The following SHANK1 variants were observed in gnomAD, a reference collection of about 807,000 sequenced individuals.
The protein encoded by SHANK1 is SH3 and multiple ankyrin repeat domains protein 1.
In SHANK1, 35 loss-of-function variants were observed where a neutral mutation model predicts 165.6. That is an observed-to-expected ratio of 0.21 (90% CI 0.16 to 0.28). The LOEUF (loss-of-function observed/expected upper bound fraction) is 0.28. Ranked by LOEUF, SHANK1 falls within the 10% of genes least tolerant of loss-of-function variation. SHANK1 has a pLI of 1.00. For synonymous variants in SHANK1, 1,428 were observed against 1,384.8 expected (o/e 1.03, Z -0.69); for missense variants, 2,681 against 3,036.4 (o/e 0.88, Z 2.75).
chr19:50,663,075 A>G (rs1985334995), intron 23 of SHANK1: 1 of 250,890 alleles, frequency 4.0e-6, no homozygotes, highest in Non-Finnish European at 7.7e-6. Flanking sequence ...TATTATCAGC[A>G]CAGAGAGGTT....
chr19:50,687,758 T>C (rs1986403703), intron 18 of SHANK1, 96 bp from the exon 19 acceptor site: 6 of 1,351,474 alleles, frequency 4.4e-6, no homozygotes, highest in Admixed American at 2.4e-5. Context: ...AGAATAGCCA[T>C]TGCCAGCGTG....
Position 50,716,635 on chromosome 19 carries a change from C to T in SHANK1, c.255+30G>A. 5.2e-6 allele frequency: 8 copies of T among 1,551,512 alleles called. No homozygotes were observed. In the East Asian group the frequency reaches 9.0e-5, roughly 18 times the overall value. On this transcript the variant is annotated intron_variant, in intron 2 of 23. Transcript: ENST00000293441. The surrounding 1 kb of genome is among the most constrained non-coding windows in gnomAD (Gnocchi z 8.4). ...ATGTCGGTTGGGGCACTGTCCCTCT[C>T]CTGCCGCTGGCCAGTGGGCAGGTAC...
intron 8 of SHANK1, among the ~76,000 whole-genome samples, chr19:50,708,804 C>A (rs2088974937): frequency 1.3e-5 from 2 of 152,224 alleles, no homozygotes; most frequent in Non-Finnish European, 2.9e-5. Context: ...CATTCACTCA[C>A]TCAACAAAGA....
rs2088961607 is a variant in SHANK1, at chr19:50,707,898, TTTCTTTTCTTTTCTTTTC to T, written c.1078-3402_1078-3385del. On this transcript the variant is annotated intron_variant, in intron 8 of 23. Transcript: ENST00000293441. ...GTGTTTTTCTTTTCTTTTCTTTTCT[TTTCTTTTCTTTTCTTTTC>T]TTTTCTTTTCTTTTCTTTTCTTTTC... Among the ~76,000 whole-genome samples, 6 of 18,786 alleles carry T rather than the reference TTTCTTTTCTTTTCTTTTC, an allele frequency of 3.2e-4. No homozygotes were observed. In the South Asian group the frequency reaches 6.6e-3, roughly 21 times the overall value. 12.3% of individuals were successfully genotyped at this position (18,786 alleles called of 152,430 possible). A position where few individuals can be genotyped will look rare whatever the true frequency, so the allele number is the denominator to read the frequency against.
At position 50,668,801 on chromosome 19, in the gene SHANK1, G is replaced by A. The variant is rs1267294229; in HGVS notation, c.3159C>T (p.Gly1053=). 5 of 1,269,284 alleles carry A rather than the reference G, an allele frequency of 3.9e-6. No homozygotes were observed. The highest frequency in any genetic ancestry group is 3.1e-5 in the East Asian group (1 of 31,792). 78.6% of individuals were successfully genotyped at this position (1,269,284 alleles called of 1,614,324 possible). A position where few individuals can be genotyped will look rare whatever the true frequency, so the allele number is the denominator to read the frequency against. ...PQPSLRGWRG[G]GPSPTPGAPS... ...GGGCCCCCGGGGTCGGGCTGGGCCCGCCGCCCCTCCAGCCTCGCAGGCTGG... is the reference window on the plus strand; with the variant it reads ...GGGCCCCCGGGGTCGGGCTGGGCCCACCGCCCCTCCAGCCTCGCAGGCTGG... Residue 1053 remains glycine, a synonymous_variant, in exon 23 of 24, where the codon GGC becomes GGT. Transcript: ENST00000293441.
Position 50,688,821 on chromosome 19 carries a change from G to C in SHANK1, c.2172+23C>G. ...TGGGAACTTGTCACAGGGTCCCAGG[G>C]AAGAGAGGGGGCCTGGACTGACCTC... On this transcript the variant is annotated intron_variant, in intron 17 of 23. Coordinates refer to ENST00000293441, the MANE Select transcript of SHANK1 (RefSeq NM_016148.5). The surrounding 1 kb of genome is among the most constrained non-coding windows in gnomAD (Gnocchi z 6.7). 3 of 1,603,494 alleles carry C rather than the reference G, an allele frequency of 1.9e-6. No individual in the cohort carries two copies. The highest frequency in any genetic ancestry group is 1.7e-4 in the Middle Eastern group (1 of 6,022).
chr19:50,680,514 C>T (rs1355332496), intron 21 of SHANK1, among the ~76,000 whole-genome samples: 1 of 152,164 alleles, frequency 6.6e-6, no homozygotes, highest in Non-Finnish European at 1.5e-5. Context: ...TAGGAGGAGA[C>T]AGCCCAAGAG....
At chr19:50,669,663 T>C (rs1364508925) in intron 22 of SHANK1, among the ~76,000 whole-genome samples, 1 of 152,134 alleles carries the variant, frequency 6.6e-6, no homozygotes, top group African/African-American at 2.4e-5. Context: ...TAGATGCGTG[T>C]TTCTTTTCAC....
Position 50,686,753 on chromosome 19 carries a change from T to G in SHANK1, c.2449A>C (p.Met817Leu). The G allele has an allele frequency of 6.2e-7, 1 of 1,613,598 alleles. No individual in the cohort carries two copies. Among genetic ancestry groups the G allele is most frequent in the Non-Finnish European group, 8.5e-7 (1 of 1,179,778 alleles). ...SMEKKRTVYQ[M>L]ALNKLDEILA... ...GGCTGGGCCGTCTTACTGAGAGCCATCTGATACACGGTCCGCTTTTTCTCC... is the reference window on the plus strand; with the variant it reads ...GGCTGGGCCGTCTTACTGAGAGCCAGCTGATACACGGTCCGCTTTTTCTCC... The change falls in exon 20 of 24, where the codon ATG becomes CTG. Residue 817 changes from methionine to leucine, a missense_variant. Physicochemically the swap from Met to Leu is conservative, Grantham distance 15. Around this residue, in one of 10 missense-constraint regions of SHANK1, gnomAD observed 206 missense variants for 216.0 expected, o/e 0.95. Transcript: ENST00000293441. This position sits in a 1 kb window ranked among gnomAD's most constrained non-coding sequence, Gnocchi z 5.7.
rs774375815 is a variant in SHANK1, at chr19:50,702,584, G to A, written c.1630C>T (p.Arg544Cys). 12 of 1,607,386 alleles carry A rather than the reference G, an allele frequency of 7.5e-6. No individual in the cohort carries two copies. The highest frequency in any genetic ancestry group is 3.3e-5 in the South Asian group (3 of 90,312). Residue 544 changes from arginine to cysteine, a missense_variant, in exon 12 of 24, where the codon CGC (arginine) becomes TGC (cysteine). Physicochemically the swap from Arg to Cys is radical, Grantham distance 180 (BLOSUM62 -3). This residue lies in a region of SHANK1 where 195 missense variants were observed against 186.2 expected (regional missense o/e 1.05). Coordinates refer to ENST00000293441, the MANE Select transcript of SHANK1 (RefSeq NM_016148.5). This position sits in a 1 kb window ranked among gnomAD's most constrained non-coding sequence, Gnocchi z 5.3. ...GAGTAGAGCTTCCTCCGCCTCCCGC[G>A]GCTGCCCAGGGAGCCCCCGGGGCCC... ...SGGPGGSLGS[R>C]GRRRKLYSAV...
At position 50,668,645 on chromosome 19, in the gene SHANK1, G is replaced by T; in HGVS notation, c.3315C>A (p.Gly1105=). ...AMYVPARSGR[G]RKGPLVKQTK... ...TCTGCTTGACCAGCGGGCCCTTGCG[G>T]CCGCGGCCCGAGCGGGCGGGCACGT... is the stretch of plus-strand genomic sequence containing the variant. The change falls in exon 23 of 24, where the codon GGC becomes GGA. Residue 1105 remains glycine, a synonymous_variant. Transcript: ENST00000293441. 7.3e-7 allele frequency: 1 copy of T among 1,365,592 alleles called. No individual in the cohort carries two copies. Among genetic ancestry groups the T allele is most frequent in the Non-Finnish European group, 9.5e-7 (1 of 1,057,940 alleles). 84.6% of individuals were successfully genotyped at this position (1,365,592 alleles called of 1,614,324 possible). A position where few individuals can be genotyped will look rare whatever the true frequency, so the allele number is the denominator to read the frequency against.
rs1435538633 is a variant in SHANK1 at position 50,669,499 on chromosome 19, G to GC, written c.2675-215dup. On this transcript the variant is annotated intron_variant, in intron 22 of 23. Coordinates refer to ENST00000293441, the MANE Select transcript of SHANK1 (RefSeq NM_016148.5). ...GTTGTGCACTGCACAACTGCAAACC[G>GC]CAAGGAAGGTGAGGAAACTGAAATT... is the stretch of plus-strand genomic sequence containing the variant. Among the ~76,000 whole-genome samples, 5 of 152,246 alleles carry GC rather than the reference G, an allele frequency of 3.3e-5. No homozygotes were observed. The South Asian group carries it at 1.0e-3, about 32-fold the overall frequency.
rs1158688822 is a variant in SHANK1, at chr19:50,668,889, G to T, written c.3071C>A (p.Pro1024His). ...GGGAGAGCCGCCTGTCTCCATCTCGGGAGGATGAGGGGGGTGGGCGTGGTG... is the reference window on the plus strand; with the variant it reads ...GGGAGAGCCGCCTGTCTCCATCTCGTGAGGATGAGGGGGGTGGGCGTGGTG... ...HHHHAHPPHP[P>H]EMETGGSPDD... The change falls in exon 23 of 24, where the codon CCC (proline) becomes CAC (histidine). Residue 1024 changes from proline (P) to histidine (H), a missense_variant. Physicochemically the swap from Pro to His is moderately conservative, Grantham distance 77 (BLOSUM62 -2). Around this residue, in one of 10 missense-constraint regions of SHANK1, gnomAD observed 1,713 missense variants for 1,630.2 expected, o/e 1.05. Transcript: ENST00000293441. 105 of 1,306,340 alleles carry T rather than the reference G, an allele frequency of 8.0e-5. No homozygotes were observed. Among genetic ancestry groups the T allele is most frequent in the Non-Finnish European group, 9.7e-5 (100 of 1,032,448 alleles). 80.9% of individuals were successfully genotyped at this position (1,306,340 alleles called of 1,614,324 possible). A position where few individuals can be genotyped will look rare whatever the true frequency, so the allele number is the denominator to read the frequency against.
chr19:50,687,371 G>A (rs1413506744), intron 19 of SHANK1, among the ~76,000 whole-genome samples: 3 of 152,048 alleles, frequency 2.0e-5, no homozygotes, highest in Non-Finnish European at 4.4e-5. Flanking sequence ...CCCCAACGGA[G>A]AAACAGATAC....
intron 8 of SHANK1, among the ~76,000 whole-genome samples, chr19:50,707,893 TTTCTTTTCTTTTCTTTTC>T (rs898555904): frequency 2.0e-4 from 2 of 10,154 alleles, no homozygotes; most frequent in African/African-American, 2.2e-3. Flanking sequence ...TTTCTTTTCT[TTTCTTTTCTTTTCTTTTC>T]TTTTCTTTTC....
chr19:50,711,575 CCTT>C, intron 7 of SHANK1, 88 bp from the exon 8 acceptor site: 1 of 899,094 alleles, frequency 1.1e-6, no homozygotes, highest in Non-Finnish European at 1.7e-6. Flanking sequence ...TGTGCACTGG[CCTT>C]CTCATCCTAT....
intron 21 of SHANK1, 69 bp from the exon 22 acceptor site, chr19:50,672,183 T>A: frequency 7.8e-7 from 1 of 1,277,292 alleles, no homozygotes; most frequent in Non-Finnish European, 1.1e-6. Flanking sequence ...CAGAAAGGCT[T>A]GTGGCTTCAC....
chr19:50,714,313 GA>G, intron 4 of SHANK1, 23 bp from the exon 5 acceptor site: 1 of 1,607,026 alleles, frequency 6.2e-7, no homozygotes. Context: ...CAAAGAGAGA[GA>G]AGACAGGACA....
intron 12 of SHANK1, among the ~76,000 whole-genome samples, chr19:50,701,520 T>A (rs1432528921): frequency 6.6e-6 from 1 of 152,074 alleles, no homozygotes; most frequent in Non-Finnish European, 1.5e-5. Flanking sequence ...TGGCACTTGT[T>A]ATGTAGGAAA....
Sources: allele counts gnomAD v4.1 joint callset (sites outside exome capture counted in the v4.1 genomes callset), GRCh38; gene constraint gnomAD v4.1.1; regional missense constraint gnomAD v4.1.1; non-coding constraint Gnocchi (gnomAD v3.1); transcripts MANE v1.5; gene names NCBI Gene and HGNC (gene_info 2026-07-23, HGNC 2026-07-21).